IL1RAPL2: variants seen among roughly 807,000 people sequenced by gnomAD.
IL1RAPL2 encodes the protein X-linked interleukin-1 receptor accessory protein-like 2.
Under a neutral mutation model 44.1 loss-of-function variants are expected in IL1RAPL2, and 3 were observed. That is an observed-to-expected ratio of 0.07 (90% CI 0.03 to 0.18). The LOEUF (loss-of-function observed/expected upper bound fraction) is 0.18, where lower values mean the gene tolerates loss of function less well. Among genes scored for constraint, IL1RAPL2 ranks in the 10% least tolerant of loss-of-function variants. The pLI is 1.00. For synonymous variants in IL1RAPL2, 181 were observed against 178.8 expected (o/e 1.01, Z -0.10); for missense variants, 391 against 496.4 (o/e 0.79, Z 2.02).
intron 1 of IL1RAPL2, among the ~76,000 whole-genome samples, chrX:104,597,719 T>G (rs186610779): frequency 2.8e-5 from 3 of 108,135 alleles, no homozygotes; most frequent in East Asian, 2.9e-4. Context: ...AGAAGAAGAA[T>G]AAGAGTTTGG....
intron 2 of IL1RAPL2, among the ~76,000 whole-genome samples, chrX:105,152,954 T>G (rs898652085): frequency 8.9e-6 from 1 of 112,693 alleles, no homozygotes; most frequent in Non-Finnish European, 1.9e-5. Flanking sequence ...TTGTTCAGTG[T>G]AAATTACCAG....
intron 2 of IL1RAPL2, among the ~76,000 whole-genome samples, chrX:104,844,651 T>G (rs1922001225): frequency 8.9e-6 from 1 of 112,054 alleles, no homozygotes; most frequent in Non-Finnish European, 1.9e-5. Context: ...CATCTCATAA[T>G]GTTTTAAGAG....
rs929177891 is a variant in IL1RAPL2, at chrX:104,675,788, T to C, written c.82+16793T>C. The stretch of plus-strand genomic sequence containing the variant: ...CTTTATGAATCTTGGTGCTCCTGTA[T>C]TGGGTGCATATATATGTAGGATAGT... On this transcript the variant is annotated intron_variant, in intron 2 of 10. Transcript: ENST00000372582. 8.0e-4 allele frequency among the ~76,000 whole-genome samples: 88 copies of C among 110,484 alleles called. No homozygotes were observed. In the Middle Eastern group the frequency reaches 0.014, roughly 18 times the overall value.
At chrX:105,388,356 A>ATTTTTTTTTTT (rs772573698) in intron 5 of IL1RAPL2, among the ~76,000 whole-genome samples, 3 of 61,269 alleles carry the variant, frequency 4.9e-5, no homozygotes, top group African/African-American at 3.1e-4. Flanking sequence ...ACCAAAGCAG[A>ATTTTTTTTTTT]TTTTTTTTTT....
intron 6 of IL1RAPL2, among the ~76,000 whole-genome samples, chrX:105,686,733 T>A (rs996847172): frequency 3.6e-5 from 4 of 111,583 alleles, no homozygotes; most frequent in African/African-American, 1.3e-4. Flanking sequence ...CTAATAGACA[T>A]CTACAGAACT....
At chrX:104,631,760 G>C (rs62589789) in intron 1 of IL1RAPL2, among the ~76,000 whole-genome samples, 1 of 111,257 alleles carries the variant, frequency 9.0e-6, no homozygotes, top group Non-Finnish European at 1.9e-5. Flanking sequence ...CAGATGAGTA[G>C]ATTGCAAAAA....
intron 2 of IL1RAPL2, among the ~76,000 whole-genome samples, chrX:104,783,622 T>C (rs1199962294): frequency 9.1e-6 from 1 of 110,242 alleles, no homozygotes; most frequent in Non-Finnish European, 1.9e-5. Flanking sequence ...TATTTTATTT[T>C]GGCTTAAATC....
rs781896237 is a variant in IL1RAPL2, at chrX:105,220,646, G to A, written c.357-13172G>A. 21 of 303,509 alleles carry A rather than the reference G, an allele frequency of 6.9e-5. No homozygotes were observed. The South Asian group carries it at 2.9e-3, about 41-fold the overall frequency. The allele number at this position is 303,509 out of a possible 1,213,427, so 25.0% of individuals were successfully genotyped here. ...CAGGCCAACCCCGCTGTCTTAACAC[G>A]CCCGAAGAGAGAGGAAGATCTCTCT... On this transcript the variant is annotated intron_variant, in intron 3 of 10. Transcript: ENST00000372582.
At chrX:105,031,196 C>T (rs988230336) in intron 2 of IL1RAPL2, among the ~76,000 whole-genome samples, 1 of 109,721 alleles carries the variant, frequency 9.1e-6, no homozygotes, top group Non-Finnish European at 1.9e-5. Context: ...CAAACAGGGA[C>T]AATTTGACTT....
At position 104,770,219 on chromosome X, in the gene IL1RAPL2, C is replaced by T. The variant is rs1421310935; in HGVS notation, c.82+111224C>T. Among the ~76,000 whole-genome samples the T allele has an allele frequency of 3.1e-4, 34 of 111,342 alleles. No individual in the cohort carries two copies. The Admixed American group carries it at 3.3e-3, about 11-fold the overall frequency. ...AGAATAATCTTAGCCCTTTTTTCCA[C>T]ATTCCAAGCCATGTTTTAGAAAGTT... On this transcript the variant is annotated intron_variant, in intron 2 of 10. Coordinates refer to ENST00000372582, the MANE Select transcript of IL1RAPL2 (RefSeq NM_017416.2).
Position 105,668,519 on chromosome X carries a change from C to G in IL1RAPL2, c.773-48848C>G, listed in dbSNP as rs1015588847. On this transcript the variant is annotated intron_variant, in intron 6 of 10. Coordinates refer to ENST00000372582, the MANE Select transcript of IL1RAPL2 (RefSeq NM_017416.2). ...TCATTAGTAATATGACCTTTGGGAG[C>G]CCAATCAACAATGGTGTAGTGAGAA... Among the ~76,000 whole-genome samples the G allele has an allele frequency of 4.4e-5, 5 of 112,519 alleles. No homozygotes were observed. In the East Asian group the frequency reaches 1.4e-3, roughly 32 times the overall value.
intron 2 of IL1RAPL2, among the ~76,000 whole-genome samples, chrX:104,851,096 G>A (rs1340181159): frequency 1.8e-5 from 2 of 110,631 alleles, no homozygotes; most frequent in East Asian, 2.8e-4. Context: ...TGGTATTTTC[G>A]ATGGCGTCGA....
intron 2 of IL1RAPL2, among the ~76,000 whole-genome samples, chrX:105,151,412 TAGAG>T (rs2033226186): frequency 9.0e-6 from 1 of 111,005 alleles, no homozygotes; most frequent in African/African-American, 3.3e-5. Flanking sequence ...TTAGAATAAT[TAGAG>T]AGAAAAAGGG....
intron 1 of IL1RAPL2, among the ~76,000 whole-genome samples, chrX:104,592,037 ATTTGTTTGTTTG>A (rs759143308): frequency 2.8e-5 from 3 of 108,948 alleles, no homozygotes; most frequent in East Asian, 2.9e-4. Flanking sequence ...TATTTTAGGT[ATTTGTTTGTTTG>A]TTTGTTTGTT....
chrX:105,327,564 G>A (rs2034949859), intron 5 of IL1RAPL2, among the ~76,000 whole-genome samples: 2 of 111,631 alleles, frequency 1.8e-5, no homozygotes, highest in African/African-American at 6.5e-5. Flanking sequence ...TTAAATTCTA[G>A]CAGTAAGTTC....
At chrX:105,559,185 C>T (rs1287679130) in intron 6 of IL1RAPL2, among the ~76,000 whole-genome samples, 2 of 111,970 alleles carry the variant, frequency 1.8e-5, no homozygotes, top group African/African-American at 6.5e-5. Context: ...ATTAATGAGG[C>T]CAATGCTGCA....
intron 3 of IL1RAPL2, among the ~76,000 whole-genome samples, chrX:105,212,497 A>T (rs1020679829): frequency 2.7e-5 from 3 of 111,842 alleles, no homozygotes; most frequent in African/African-American, 6.5e-5. Flanking sequence ...TCTCCCTGGG[A>T]CAGAGCACCT....
intron 1 of IL1RAPL2, among the ~76,000 whole-genome samples, chrX:104,642,736 C>T (rs781111635): frequency 4.5e-5 from 5 of 111,788 alleles, no homozygotes; most frequent in Admixed American, 9.5e-5. Flanking sequence ...CTGCCAACCT[C>T]GGCCTCCCAA....
chrX:104,731,611 C>T (rs1012939639), intron 2 of IL1RAPL2, among the ~76,000 whole-genome samples: 3 of 111,345 alleles, frequency 2.7e-5, no homozygotes, highest in African/African-American at 9.8e-5. Flanking sequence ...CCATGTTAGC[C>T]AGTTTGGTCT....
Sources: allele counts gnomAD v4.1 joint callset (sites outside exome capture counted in the v4.1 genomes callset), GRCh38; gene constraint gnomAD v4.1.1; transcripts MANE v1.5; gene names NCBI Gene and HGNC (gene_info 2026-07-23, HGNC 2026-07-21).